Variants in CPNE4 observed in about 807,000 individuals in gnomAD.
The protein encoded by CPNE4 is copine 4.
Under a neutral mutation model 67.9 loss-of-function variants are expected in CPNE4, and 25 were observed. The observed-to-expected ratio is 0.37, with a 90% CI of 0.27 to 0.51. The LOEUF is 0.51. Among genes scored for constraint, CPNE4 ranks in the 20% least tolerant of loss-of-function variants. The pLI, the probability that CPNE4 is intolerant of heterozygous loss-of-function variation, is 0.93. For missense variants in CPNE4, 464 were observed against 690.8 expected, an observed-to-expected ratio of 0.67 and a Z score of 3.68; for synonymous variants, 242 against 244.9, an observed-to-expected ratio of 0.99 and a Z score of 0.11.
intron 1 of CPNE4, among the ~76,000 whole-genome samples, chr3:131,906,900 C>A (rs1051992100): frequency 1.3e-5 from 2 of 151,890 alleles, no homozygotes; most frequent in Non-Finnish European, 2.9e-5. Context: ...TTCTCCACAT[C>A]CTCTCCAGCA....
At chr3:131,973,221 G>A (rs960606466) in intron 1 of CPNE4, among the ~76,000 whole-genome samples, 1 of 152,158 alleles carries the variant, frequency 6.6e-6, no homozygotes, top group Non-Finnish European at 1.5e-5. Context: ...AAGAAAGGCT[G>A]GAGATTTTCA....
At chr3:131,598,302 G>T (rs1939008291) in intron 7 of CPNE4, among the ~76,000 whole-genome samples, 1 of 152,180 alleles carries the variant, frequency 6.6e-6, no homozygotes, top group Non-Finnish European at 1.5e-5. Flanking sequence ...AATGCTCTCT[G>T]AGATCCTGTC....
intron 2 of CPNE4, among the ~76,000 whole-genome samples, chr3:131,743,962 CAAAA>C (rs67791015): frequency 2.0e-4 from 12 of 59,202 alleles, no homozygotes; most frequent in South Asian, 1.1e-3. Flanking sequence ...GACTCCGTCT[CAAAA>C]AAAAAAAAAA....
At chr3:131,865,563 A>T (rs1446529956) in intron 2 of CPNE4, among the ~76,000 whole-genome samples, 1 of 152,042 alleles carries the variant, frequency 6.6e-6, no homozygotes, top group African/African-American at 2.4e-5. Context: ...TCACCCTACA[A>T]GATAATTATT....
chr3:131,753,620 A>G (rs2107800973), intron 2 of CPNE4, among the ~76,000 whole-genome samples: 1 of 152,332 alleles, frequency 6.6e-6, no homozygotes, highest in South Asian at 2.1e-4. Flanking sequence ...GGTAAAGAAC[A>G]TAAACAGATA....
At chr3:131,806,047 G>A (rs899247710) in intron 2 of CPNE4, among the ~76,000 whole-genome samples, 4 of 152,156 alleles carry the variant, frequency 2.6e-5, no homozygotes, top group Admixed American at 2.6e-4. Context: ...AACCATGCTA[G>A]TGAATAACTT....
intron 7 of CPNE4, among the ~76,000 whole-genome samples, chr3:131,645,153 T>C (rs1279018417): frequency 6.6e-6 from 1 of 152,250 alleles, no homozygotes; most frequent in Non-Finnish European, 1.5e-5. Context: ...ACTATCCATC[T>C]GTGATGTCCA....
chr3:131,728,899 C>CAAAAAAAAAAAAAAAAAA (rs34269107), intron 2 of CPNE4, among the ~76,000 whole-genome samples: 2 of 89,994 alleles, frequency 2.2e-5, no homozygotes, highest in Non-Finnish European at 4.1e-5. Flanking sequence ...AACAGAGCCT[C>CAAAAAAAAAAAAAAAAAA]AAAAAAAAAA....
intron 1 of CPNE4, chr3:131,985,961 A>G (rs2107643166): frequency 6.5e-6 from 1 of 154,294 alleles, no homozygotes; most frequent in Non-Finnish European, 1.5e-5. Flanking sequence ...AATAATTCTA[A>G]GGGTTTTCAA....
intron 3 of CPNE4, among the ~76,000 whole-genome samples, chr3:131,722,543 T>C (rs2081914326): frequency 6.6e-6 from 1 of 152,136 alleles, no homozygotes; most frequent in Non-Finnish European, 1.5e-5. Context: ...ATAATGTTTT[T>C]TTCAGATTTT....
intron 2 of CPNE4, among the ~76,000 whole-genome samples, chr3:131,860,915 C>A (rs58022420): frequency 6.6e-6 from 1 of 152,116 alleles, no homozygotes; most frequent in Non-Finnish European, 1.5e-5. Flanking sequence ...CTCTGTCCGA[C>A]TTCTGGACAT....
intron 3 of CPNE4, among the ~76,000 whole-genome samples, chr3:131,704,964 T>C (rs2081382939): frequency 1.3e-5 from 2 of 152,076 alleles, no homozygotes; most frequent in African/African-American, 2.4e-5. Context: ...CCCAATCTGA[T>C]TGGACTGGTG....
At chr3:131,853,539 C>T (rs926073865) in intron 2 of CPNE4, among the ~76,000 whole-genome samples, 6 of 151,410 alleles carry the variant, frequency 4.0e-5, no homozygotes, top group African/African-American at 1.5e-4. Flanking sequence ...ATACAACATG[C>T]AATAAACATA....
intron 2 of CPNE4, among the ~76,000 whole-genome samples, chr3:131,752,356 C>A (rs1417320129): frequency 6.6e-6 from 1 of 152,090 alleles, no homozygotes; most frequent in East Asian, 1.9e-4. Context: ...TTTTGTCTAG[C>A]TTGGCTGTCC....
chr3:131,921,491 CAG>C (rs1483230907), intron 1 of CPNE4, among the ~76,000 whole-genome samples: 1 of 152,162 alleles, frequency 6.6e-6, no homozygotes, highest in Non-Finnish European at 1.5e-5. Context: ...GAAAAACTTT[CAG>C]AGTGATCAAG....
intron 7 of CPNE4, among the ~76,000 whole-genome samples, chr3:131,600,850 T>A (rs930739898): frequency 2.0e-5 from 3 of 152,220 alleles, no homozygotes; most frequent in Non-Finnish European, 4.4e-5. Flanking sequence ...CTCTATGTGC[T>A]CCTTATATCT....
chr3:131,545,208 T>C (rs1365966000), intron 14 of CPNE4, among the ~76,000 whole-genome samples: 3 of 152,216 alleles, frequency 2.0e-5, no homozygotes, highest in Admixed American at 2.0e-4. Flanking sequence ...CACAAAATCT[T>C]CATATGTCAC....
intron 2 of CPNE4, among the ~76,000 whole-genome samples, chr3:131,826,632 T>C (rs1057399879): frequency 2.0e-5 from 3 of 152,204 alleles, no homozygotes; most frequent in Non-Finnish European, 4.4e-5. Flanking sequence ...CTTTGGAGAT[T>C]GCTCTATTTT....
chr3:131,963,973 A>T (rs572456021), intron 1 of CPNE4, among the ~76,000 whole-genome samples: 6 of 152,202 alleles, frequency 3.9e-5, no homozygotes, highest in African/African-American at 1.2e-4. Flanking sequence ...CATACAGAAG[A>T]GCTCTGGCTG....
Sources: gnomAD v4.1 joint callset for allele counts (sites outside exome capture counted in the v4.1 genomes callset) on GRCh38, gnomAD v4.1.1 for gene constraint, MANE v1.5 for transcripts, NCBI Gene and HGNC (gene_info 2026-07-23, HGNC 2026-07-21) for gene names.